Variants in HERC4 observed in about 807,000 individuals in gnomAD.
The protein encoded by HERC4 is HECT and RLD domain containing E3 ubiquitin protein ligase 4.
A neutral mutation model predicts 124.3 loss-of-function variants in HERC4; 28 were observed. That is an observed-to-expected ratio of 0.23 (90% CI 0.17 to 0.31). HERC4 has a LOEUF of 0.31. Ranked by LOEUF, HERC4 falls within the 10% of genes least tolerant of loss-of-function variation. HERC4 has a pLI of 1.00. For synonymous variants in HERC4, 407 were observed against 421.5 expected, an observed-to-expected ratio of 0.97 and a Z score of 0.42; for missense variants, 713 against 1,229.3, an observed-to-expected ratio of 0.58 and a Z score of 6.28.
At chr10:68,052,990 G>T (rs1334352162) in intron 3 of HERC4, among the ~76,000 whole-genome samples, 1 of 152,194 alleles carries the variant, frequency 6.6e-6, no homozygotes, top group African/African-American at 2.4e-5. Context: ...CGAAGAAACA[G>T]AAGGATGCTA....
At chr10:67,989,325 C>A (rs1161987870) in intron 14 of HERC4, among the ~76,000 whole-genome samples, 3 of 151,976 alleles carry the variant, frequency 2.0e-5, no homozygotes, top group African/African-American at 7.2e-5. Context: ...AGAAGCTGAA[C>A]AATGTAAAGT....
intron 3 of HERC4, among the ~76,000 whole-genome samples, chr10:68,059,235 T>C (rs962462789): frequency 2.0e-5 from 3 of 151,640 alleles, no homozygotes; most frequent in South Asian, 4.1e-4. Flanking sequence ...CAAAAGCCAT[T>C]TGACATTTTC....
At chr10:67,996,080 A>C in intron 9 of HERC4, 1 of 428,916 alleles carries the variant, frequency 2.3e-6, no homozygotes, top group Non-Finnish European at 4.6e-6. Context: ...CCAAGGTAGG[A>C]GGATCACTTG....
chr10:67,927,411 TA>T (rs1564910917), intron 23 of HERC4, among the ~76,000 whole-genome samples: 291 of 13,472 alleles, frequency 0.022, 15 homozygotes, highest in African/African-American at 0.038. Flanking sequence ...TATATATATA[TA>T]TATATATATA....
At position 67,927,332 on chromosome 10, in the gene HERC4, A is replaced by T. The variant is rs932703567; in HGVS notation, c.2839-2145T>A. Among the ~76,000 whole-genome samples the T allele has an allele frequency of 4.7e-5, 7 of 148,072 alleles. No individual in the cohort carries two copies. The East Asian group carries it at 1.4e-3, about 30-fold the overall frequency. ...AATCATAATCACTAAAATTGTAATG[A>T]ATCAGATATACAACAGAAGAAATCA... On this transcript the variant is annotated intron_variant, in intron 23 of 24. Coordinates refer to ENST00000373700, the MANE Select transcript of HERC4 (RefSeq NM_015601.4).
intron 9 of HERC4, chr10:67,995,358 A>ATCTG (rs1218394543): frequency 2.4e-6 from 1 of 423,292 alleles, no homozygotes; most frequent in African/African-American, 2.1e-5. Context: ...GTTTCTCCCT[A>ATCTG]TTATATAGTT....
At chr10:68,037,405 A>G (rs1024635163) in intron 5 of HERC4, among the ~76,000 whole-genome samples, 1 of 152,074 alleles carries the variant, frequency 6.6e-6, no homozygotes. Flanking sequence ...AAACCTATTT[A>G]TTTTAATGGT....
chr10:68,012,126 G>A (rs1161650947), intron 9 of HERC4, among the ~76,000 whole-genome samples: 1 of 152,136 alleles, frequency 6.6e-6, no homozygotes, highest in Non-Finnish European at 1.5e-5. Context: ...TTAGAATCTT[G>A]GTCTGGATTA....
At chr10:67,984,943 G>C (rs1171070505) in intron 15 of HERC4, among the ~76,000 whole-genome samples, 1 of 151,826 alleles carries the variant, frequency 6.6e-6, no homozygotes, top group African/African-American at 2.4e-5. Flanking sequence ...TACCTACTAT[G>C]TACTCACAAA....
intron 3 of HERC4, among the ~76,000 whole-genome samples, chr10:68,046,188 C>T (rs2040005572): frequency 6.6e-6 from 1 of 151,274 alleles, no homozygotes; most frequent in Admixed American, 6.6e-5. Context: ...CAAAACATTC[C>T]CATAAATCTT....
intron 19 of HERC4, among the ~76,000 whole-genome samples, chr10:67,948,996 G>T (rs2033595403): frequency 6.6e-6 from 1 of 152,074 alleles, no homozygotes; most frequent in African/African-American, 2.4e-5. Flanking sequence ...GCTCACGCCT[G>T]TAATCCCAGC....
At chr10:67,988,889 T>A in intron 14 of HERC4, 54 bp from the exon 15 acceptor site, 1 of 1,431,438 alleles carries the variant, frequency 7.0e-7, no homozygotes, top group Non-Finnish European at 9.6e-7. Context: ...AAAATCACAA[T>A]TTTCAAAATC....
chr10:67,932,674 G>A lies in HERC4; in HGVS notation c.2761C>T (p.Leu921Phe), dbSNP rs2031947902. ...AGTTCATTAGGCTGAAAGAGCAGAA[G>A]GACTTTTCCTCCACAGACCTTATGA... ...GFHKVCGGKV[L>F]LLFQPNELQA... is the part of the protein sequence containing the mutation. Residue 921 changes from leucine to phenylalanine, a missense_variant, in exon 23 of 25, where the codon CTT becomes TTT. By Grantham distance (22) the Leu-to-Phe change is conservative (BLOSUM62 0). Transcript: ENST00000373700. 1 of 1,607,782 alleles carries A rather than the reference G, an allele frequency of 6.2e-7. No individual in the cohort carries two copies.
At chr10:67,957,783 T>G (rs1159636444) in intron 16 of HERC4, among the ~76,000 whole-genome samples, 1 of 152,176 alleles carries the variant, frequency 6.6e-6, no homozygotes, top group Non-Finnish European at 1.5e-5. Flanking sequence ...TTCTTAGTGA[T>G]TAGACAGTTC....
intron 15 of HERC4, among the ~76,000 whole-genome samples, chr10:67,976,249 CTT>C (rs2035582190): frequency 6.6e-6 from 1 of 152,056 alleles, no homozygotes; most frequent in African/African-American, 2.4e-5. Context: ...TAGCCAAACT[CTT>C]TCTACTAAAA....
At chr10:68,016,465 G>T (rs1483799861) in intron 8 of HERC4, among the ~76,000 whole-genome samples, 4 of 152,136 alleles carry the variant, frequency 2.6e-5, no homozygotes, top group Non-Finnish European at 5.9e-5. Flanking sequence ...CGAGTCTCCT[G>T]CCTCAGCCTC....
chr10:68,017,263 C>T (rs2038323637), intron 8 of HERC4, among the ~76,000 whole-genome samples: 1 of 152,194 alleles, frequency 6.6e-6, no homozygotes, highest in Admixed American at 6.5e-5. Context: ...GCCACCCTAG[C>T]TGAAACACAG....
At chr10:67,930,219 C>A (rs1022831846) in intron 23 of HERC4, among the ~76,000 whole-genome samples, 6 of 152,140 alleles carry the variant, frequency 3.9e-5, no homozygotes, top group Admixed American at 1.3e-4. Context: ...GTTTTTCACT[C>A]ATTTGCAAAT....
chr10:68,022,499 C>T (rs1231777077), intron 8 of HERC4, among the ~76,000 whole-genome samples: 2 of 110,264 alleles, frequency 1.8e-5, no homozygotes, highest in Non-Finnish European at 3.5e-5. Flanking sequence ...AACTCCATCT[C>T]AAAATAAATA....
Sources: gnomAD v4.1 joint callset for allele counts (sites outside exome capture counted in the v4.1 genomes callset) on GRCh38, gnomAD v4.1.1 for gene constraint, MANE v1.5 for transcripts, NCBI Gene and HGNC (gene_info 2026-07-23, HGNC 2026-07-21) for gene names.